The following GALNT13 variants were observed in gnomAD, a reference collection of about 807,000 sequenced individuals.
GALNT13 encodes the protein UDP-GalNAc:polypeptide N-acetylgalactosaminyltransferase 13.
A neutral mutation model predicts 64.2 loss-of-function variants in GALNT13; 28 were observed. The ratio of observed to expected loss-of-function variants is 0.44; its 90% CI spans 0.32 to 0.60. GALNT13 has a LOEUF of 0.60. Among genes scored for constraint, GALNT13 ranks in the 20% least tolerant of loss-of-function variants. GALNT13 has a pLI of 0.05. For synonymous variants in GALNT13, 214 were observed against 224.6 expected, an observed-to-expected ratio of 0.95 and a Z score of 0.42; for missense variants, 577 against 669.8, an observed-to-expected ratio of 0.86 and a Z score of 1.53.
At position 153,937,898 on chromosome 2, in the gene GALNT13, C is replaced by T. The variant is rs977672054; in HGVS notation, c.-104-6496C>T. 5.3e-5 allele frequency among the ~76,000 whole-genome samples: 8 copies of T among 152,092 alleles called. No individual in the cohort carries two copies. In the South Asian group the frequency reaches 1.0e-3, roughly 20 times the overall value. ...GTGACCTTATCACATGAGGTTTCCACGTAGTGGCAGGACCTAAAGCCTGTG... is the reference window on the plus strand; with the variant it reads ...GTGACCTTATCACATGAGGTTTCCATGTAGTGGCAGGACCTAAAGCCTGTG... On this transcript the variant is annotated intron_variant, in intron 2 of 12. Transcript: ENST00000392825.
chr2:154,052,586 G>A (rs1699684775), intron 3 of GALNT13, among the ~76,000 whole-genome samples: 1 of 152,034 alleles, frequency 6.6e-6, no homozygotes, highest in African/African-American at 2.4e-5. Flanking sequence ...AGAGAGGAGA[G>A]TATCTTAACT....
At chr2:154,341,311 C>G (rs1695760183) in intron 9 of GALNT13, among the ~76,000 whole-genome samples, 1 of 152,060 alleles carries the variant, frequency 6.6e-6, no homozygotes, top group African/African-American at 2.4e-5. Flanking sequence ...AAAATCTATG[C>G]TCTTGTATAG....
At chr2:153,463,933 TG>T in the GALNT13 span, among the ~76,000 whole-genome samples, 1 of 152,052 alleles carries the variant, frequency 6.6e-6, no homozygotes. Flanking sequence ...TCCAGTTCCC[TG>T]GAAGAGGAAA....
At chr2:154,146,653 T>G (rs963719483) in intron 4 of GALNT13, among the ~76,000 whole-genome samples, 1 of 151,990 alleles carries the variant, frequency 6.6e-6, no homozygotes, top group African/African-American at 2.4e-5. Flanking sequence ...GGGCATACAT[T>G]TGACTTATAA....
At chr2:153,603,705 C>T in the GALNT13 span, among the ~76,000 whole-genome samples, 43 of 151,972 alleles carry the variant, frequency 2.8e-4, no homozygotes, top group Non-Finnish European at 5.3e-4. Context: ...GCTTTACAAA[C>T]AAAATTCTCC....
chr2:154,397,200 CCAAGG>C (rs1439332376), intron 10 of GALNT13, among the ~76,000 whole-genome samples: 1 of 151,988 alleles, frequency 6.6e-6, no homozygotes, highest in Non-Finnish European at 1.5e-5. Flanking sequence ...CTTCGGGAGG[CCAAGG>C]CAGGCGGATC....
the GALNT13 span, among the ~76,000 whole-genome samples, chr2:153,776,023 G>A: frequency 3.3e-5 from 5 of 152,072 alleles, no homozygotes; most frequent in Admixed American, 6.6e-5. Flanking sequence ...TTGCAAATCC[G>A]AGTGAATCAA....
chr2:154,050,836 A>G (rs1194134745), intron 3 of GALNT13, among the ~76,000 whole-genome samples: 1 of 152,184 alleles, frequency 6.6e-6, no homozygotes, highest in African/African-American at 2.4e-5. Context: ...GGCATACTGT[A>G]TGTGGTCTTA....
the GALNT13 span, among the ~76,000 whole-genome samples, chr2:153,669,635 C>T: frequency 6.6e-6 from 1 of 152,172 alleles, no homozygotes; most frequent in African/African-American, 2.4e-5. Context: ...GTGATTTCTG[C>T]ATTTCCAACT....
downstream of GALNT13, among the ~76,000 whole-genome samples, chr2:154,456,148 G>T (rs377013401): frequency 6.9e-5 from 10 of 145,164 alleles, no homozygotes; most frequent in East Asian, 4.1e-4. Flanking sequence ...GTCTTTTTTT[G>T]TTTTTTTTTT....
the GALNT13 span, among the ~76,000 whole-genome samples, chr2:153,747,422 GT>G: frequency 9.9e-3 from 932 of 93,708 alleles, 3 homozygotes; most frequent in African/African-American, 0.03. Flanking sequence ...AGTGCCTTTG[GT>G]TTTTTTTTTT....
chr2:153,899,624 A>G (rs1002668412), intron 1 of GALNT13, among the ~76,000 whole-genome samples: 2 of 152,074 alleles, frequency 1.3e-5, no homozygotes, highest in Non-Finnish European at 2.9e-5. Flanking sequence ...TTAACATACT[A>G]GAGGAAGATA....
chr2:153,853,548 C>A, the GALNT13 span, among the ~76,000 whole-genome samples: 1 of 151,744 alleles, frequency 6.6e-6, no homozygotes, highest in African/African-American at 2.4e-5. Context: ...TGGAATATCT[C>A]CAAGAAATTA....
intron 11 of GALNT13, among the ~76,000 whole-genome samples, chr2:154,411,457 A>G (rs957105903): frequency 1.3e-5 from 2 of 151,888 alleles, no homozygotes; most frequent in Admixed American, 6.6e-5. Context: ...GTATACGCAC[A>G]GTATAGAAAG....
chr2:153,130,780 T>C, the GALNT13 span, among the ~76,000 whole-genome samples: 8 of 152,164 alleles, frequency 5.3e-5, no homozygotes, highest in African/African-American at 1.9e-4. Context: ...TGTTTCCTTC[T>C]GAATCAAACT....
chr2:154,059,741 T>A (rs1448352365), intron 3 of GALNT13, among the ~76,000 whole-genome samples: 3 of 152,118 alleles, frequency 2.0e-5, no homozygotes, highest in Non-Finnish European at 4.4e-5. Context: ...TTAAATACAT[T>A]ATATTTTTCA....
intron 3 of GALNT13, among the ~76,000 whole-genome samples, chr2:154,126,890 A>G (rs1031808689): frequency 6.6e-6 from 1 of 152,112 alleles, no homozygotes; most frequent in Non-Finnish European, 1.5e-5. Context: ...AAAAGAGGCC[A>G]GAGTGAAGAA....
the GALNT13 span, among the ~76,000 whole-genome samples, chr2:153,199,252 A>G: frequency 6.6e-6 from 1 of 152,178 alleles, no homozygotes; most frequent in Non-Finnish European, 1.5e-5. Context: ...CAACATTCTG[A>G]TTTTGGGTGA....
the GALNT13 span, among the ~76,000 whole-genome samples, chr2:153,350,134 A>T: frequency 1.2e-4 from 18 of 152,176 alleles, no homozygotes; most frequent in African/African-American, 3.9e-4. Context: ...TTTTATTCTA[A>T]TTGTTGTCCA....
Sources: allele counts gnomAD v4.1 joint callset (sites outside exome capture counted in the v4.1 genomes callset), GRCh38; gene constraint gnomAD v4.1.1; transcripts MANE v1.5; gene names NCBI Gene and HGNC (gene_info 2026-07-23, HGNC 2026-07-21).